Variants in MARCHF2 observed in about 807,000 individuals in gnomAD.
MARCHF2 encodes the protein membrane associated ring-CH-type finger 2.
A neutral mutation model predicts 24.0 loss-of-function variants in MARCHF2; 22 were observed. That is an observed-to-expected ratio of 0.92 (90% CI 0.66 to 1.31). MARCHF2 has a LOEUF of 1.31. Ranked by LOEUF, MARCHF2 falls within the 50% of genes most tolerant of loss-of-function variation. The pLI is 0.00. For missense variants in MARCHF2, 301 were observed against 335.3 expected (o/e 0.90, Z 0.80); for synonymous variants, 154 against 153.0 (o/e 1.01, Z -0.05).
At chr19:8,428,109 A>C (rs370380235) in intron 3 of MARCHF2, among the ~76,000 whole-genome samples, 22 of 152,252 alleles carry the variant, frequency 1.4e-4, no homozygotes, top group African/African-American at 5.3e-4. Context: ...AAATACAAAA[A>C]ATTAGCCGGG....
At chr19:8,437,919 ATTTTTAGTAGAGACGGGG>A (rs1257120381) in intron 4 of MARCHF2, among the ~76,000 whole-genome samples, 4 of 151,552 alleles carry the variant, frequency 2.6e-5, no homozygotes, top group South Asian at 2.1e-4. Flanking sequence ...TAATTTTTGT[ATTTTTAGTAGAGACGGGG>A]TTTTTAGTAG....
chr19:8,421,489 A>G (rs1379518468), intron 1 of MARCHF2, among the ~76,000 whole-genome samples: 1 of 149,822 alleles, frequency 6.7e-6, no homozygotes, highest in Non-Finnish European at 1.5e-5. Flanking sequence ...AGCCTCCCAA[A>G]GTGCTGGGAT....
At chr19:8,437,221 C>A (rs7408474) in intron 4 of MARCHF2, among the ~76,000 whole-genome samples, 44,829 of 151,884 alleles carry the variant, frequency 0.3, 7,164 homozygotes, top group Middle Eastern at 0.37. Context: ...CTCAAGTGGT[C>A]CCCACGCCTC....
chr19:8,431,225 A>G (rs1391505883), intron 4 of MARCHF2, among the ~76,000 whole-genome samples: 5 of 152,024 alleles, frequency 3.3e-5, no homozygotes, highest in Admixed American at 1.3e-4. Flanking sequence ...GAGGCTGGGC[A>G]TGGTGGCTCA....
At chr19:8,418,794 C>G (rs1283314966) in intron 1 of MARCHF2, 1 of 149,690 alleles carries the variant, frequency 6.7e-6, no homozygotes, top group Admixed American at 6.7e-5. Flanking sequence ...CCTCCCAAAG[C>G]GCTGGGATTA....
intron 1 of MARCHF2, among the ~76,000 whole-genome samples, chr19:8,416,807 TCCTC>T (rs1967097625): frequency 6.6e-6 from 1 of 152,012 alleles, no homozygotes; most frequent in Non-Finnish European, 1.5e-5. Flanking sequence ...GCTCAAGCGA[TCCTC>T]CCACCTCAGC....
At chr19:8,422,767 T>C (rs77968216) in intron 2 of MARCHF2, among the ~76,000 whole-genome samples, 10,201 of 136,950 alleles carry the variant, frequency 0.074, 744 homozygotes, top group African/African-American at 0.19. Context: ...TACAGTGGCG[T>C]GATCTCGGCT....
intron 2 of MARCHF2, among the ~76,000 whole-genome samples, chr19:8,424,220 G>C (rs746226673): frequency 6.6e-6 from 1 of 152,106 alleles, no homozygotes; most frequent in Non-Finnish European, 1.5e-5. Context: ...AGACTTTTCC[G>C]AGGCAGCTTT....
At chr19:8,415,738 AAAAAAC>A (rs1426324231) in intron 1 of MARCHF2, among the ~76,000 whole-genome samples, 1,364 of 50,884 alleles carry the variant, frequency 0.027, 89 homozygotes, top group African/African-American at 0.057. Flanking sequence ...AAAAAAACAA[AAAAAAC>A]AAAAAAAAAA....
intron 2 of MARCHF2, among the ~76,000 whole-genome samples, chr19:8,424,277 G>C (rs534881608): frequency 2.2e-3 from 330 of 152,224 alleles, no homozygotes; most frequent in South Asian, 0.018. Flanking sequence ...GGGCAGAGGA[G>C]CAGGTGAGCA....
At chr19:8,433,674 TCA>T (rs1967637764) in intron 4 of MARCHF2, among the ~76,000 whole-genome samples, 1 of 69,292 alleles carries the variant, frequency 1.4e-5, no homozygotes. Context: ...AGACTCCGTC[TCA>T]AAAAAAAAAA....
chr19:8,422,301 G>A (rs1443866051), intron 2 of MARCHF2, among the ~76,000 whole-genome samples: 1 of 152,166 alleles, frequency 6.6e-6, no homozygotes, highest in Non-Finnish European at 1.5e-5. Context: ...GCGGTCAGGA[G>A]TGCAGGCTGT....
At chr19:8,421,092 C>G (rs998564441) in intron 1 of MARCHF2, among the ~76,000 whole-genome samples, 2 of 151,844 alleles carry the variant, frequency 1.3e-5, no homozygotes, top group African/African-American at 4.8e-5. Context: ...AGCCACCACA[C>G]CTGGCCAGGC....
intron 1 of MARCHF2, among the ~76,000 whole-genome samples, chr19:8,414,897 G>A (rs996430261): frequency 4.1e-4 from 62 of 152,292 alleles, no homozygotes; most frequent in African/African-American, 1.4e-3. Context: ...AGGACACCCA[G>A]CATCGGTGGC....
rs60782968 is a variant in MARCHF2, at chr19:8,431,497, CAAA to C, written c.582+650_582+652del. Among the ~76,000 whole-genome samples, 218 of 57,492 alleles carry C rather than the reference CAAA, an allele frequency of 3.8e-3. 2 individuals carry two copies. Among genetic ancestry groups the C allele is most frequent in the African/African-American group, 0.015 (207 of 13,626 alleles). 37.7% of individuals were successfully genotyped at this position (57,492 alleles called of 152,430 possible). A position where few individuals can be genotyped will look rare whatever the true frequency, so the allele number is the denominator to read the frequency against. ...GTGTAAAAAGAGCGAAACTCGATCT[CAAA>C]AAAAAAAAAAAAAAAAAAAGGAAAA... On this transcript the variant is annotated intron_variant, in intron 4 of 4. Transcript: ENST00000215555.
In MARCHF2 at chr19:8,433,450, G is replaced by T. The variant is rs111613742; in HGVS notation, c.582+2583G>T. ...TTCCAGCACTTTGGGAGGCTGAGGC[G>T]GGTGGATCACGAGGTCAGGAGTTCA... On this transcript the variant is annotated intron_variant, in intron 4 of 4. Transcript: ENST00000215555. Among the ~76,000 whole-genome samples the T allele has an allele frequency of 2.0e-5, 3 of 151,800 alleles. No homozygotes were observed. In the East Asian group the frequency reaches 5.8e-4, roughly 29 times the overall value.
intron 3 of MARCHF2, among the ~76,000 whole-genome samples, chr19:8,429,497 A>C (rs1033767651): frequency 1.1e-4 from 14 of 132,028 alleles, no homozygotes; most frequent in African/African-American, 3.9e-4. Context: ...TATTATTATT[A>C]TTATTATTAT....
intron 3 of MARCHF2, 75 bp downstream of exon 3, chr19:8,426,879 C>T: frequency 7.2e-7 from 1 of 1,388,382 alleles, no homozygotes; most frequent in African/African-American, 1.4e-5. Flanking sequence ...AGGAGCTGCC[C>T]CGGGCAATCT....
At chr19:8,422,736 G>A (rs1299919628) in intron 2 of MARCHF2, among the ~76,000 whole-genome samples, 2 of 107,140 alleles carry the variant, frequency 1.9e-5, no homozygotes, top group Non-Finnish European at 3.6e-5. Context: ...AGAGAGTCTT[G>A]CTTTGTCACT....
Sources: gnomAD v4.1 joint callset for allele counts (sites outside exome capture counted in the v4.1 genomes callset) on GRCh38, gnomAD v4.1.1 for gene constraint, MANE v1.5 for transcripts, NCBI Gene and HGNC (gene_info 2026-07-23, HGNC 2026-07-21) for gene names.